Variants in LARP6 observed in about 807,000 individuals in gnomAD.
LARP6 encodes the protein La ribonucleoprotein 6, translational regulator.
A neutral mutation model predicts 32.8 loss-of-function variants in LARP6; 18 were observed. The observed-to-expected ratio is 0.55, with a 90% CI of 0.38 to 0.81. The LOEUF (loss-of-function observed/expected upper bound fraction) is 0.81. Ranked by LOEUF, LARP6 falls within the 40% of genes least tolerant of loss-of-function variation. The probability of loss-of-function intolerance (pLI) is 0.00; values close to 1 mark genes in which losing one functional copy is unlikely to be tolerated. For synonymous variants in LARP6, 289 were observed against 267.2 expected, an observed-to-expected ratio of 1.08 and a Z score of -0.80; for missense variants, 598 against 663.1, an observed-to-expected ratio of 0.90 and a Z score of 1.08.
rs922482673 is a variant in LARP6 at position 70,831,001 on chromosome 15, T to G, written c.*1051A>C. 6.6e-6 allele frequency: 1 copy of G among 152,052 alleles called. No homozygotes were observed. Among genetic ancestry groups the G allele is most frequent in the Non-Finnish European group, 1.5e-5 (1 of 68,014 alleles). The allele number at this position is 152,052 out of a possible 1,614,324, so 9.4% of individuals were successfully genotyped here. A position where few individuals can be genotyped will look rare whatever the true frequency, so the allele number is the denominator to read the frequency against. The stretch of plus-strand genomic sequence containing the variant: ...TCACAAAATAGTGAGAGATTGGGGG[T>G]CAAATGGACTGACCTCAAGTCCTGC... On this transcript the variant is annotated 3_prime_UTR_variant, in exon 3 of 3. Coordinates refer to ENST00000299213, the MANE Select transcript of LARP6 (RefSeq NM_018357.4).
intron 1 of LARP6, among the ~76,000 whole-genome samples, chr15:70,838,907 C>A (rs2032197732): frequency 2.7e-5 from 2 of 75,432 alleles, no homozygotes; most frequent in Admixed American, 2.4e-4. Context: ...TGGCTCTCAG[C>A]CTCACAAAAA....
At chr15:70,846,305 A>C (rs955276861) in intron 1 of LARP6, among the ~76,000 whole-genome samples, 2 of 152,196 alleles carry the variant, frequency 1.3e-5, no homozygotes, top group African/African-American at 4.8e-5. Flanking sequence ...CTGTTAAATA[A>C]AATTCAAACT....
At chr15:70,835,562 A>G (rs908183649) in intron 2 of LARP6, among the ~76,000 whole-genome samples, 1 of 152,252 alleles carries the variant, frequency 6.6e-6, no homozygotes, top group African/African-American at 2.4e-5. Context: ...CAAAGTACAC[A>G]GACAACTTGG....
chr15:70,849,821 T>C (rs570516812), intron 1 of LARP6: 1 of 152,342 alleles, frequency 6.6e-6, no homozygotes, highest in African/African-American at 2.4e-5. Context: ...GTGACTATTA[T>C]ATCAAATTAT....
intron 1 of LARP6, among the ~76,000 whole-genome samples, chr15:70,841,476 G>A (rs1470528125): frequency 6.6e-6 from 1 of 152,112 alleles, no homozygotes; most frequent in African/African-American, 2.4e-5. Context: ...CTCCATCTTG[G>A]TCCTTGATAT....
At chr15:70,840,914 T>TC (rs2032242793) in intron 1 of LARP6, among the ~76,000 whole-genome samples, 1 of 143,726 alleles carries the variant, frequency 7.0e-6, no homozygotes, top group Admixed American at 6.9e-5. Flanking sequence ...TTTTCTCTCT[T>TC]TTTTTTTTTT....
chr15:70,839,744 G>A (rs1440590734), intron 1 of LARP6, among the ~76,000 whole-genome samples: 2 of 152,008 alleles, frequency 1.3e-5, no homozygotes, highest in Admixed American at 6.6e-5. Context: ...CACCACGCCC[G>A]GCTTTAATTG....
chr15:70,850,923 A>C (rs558119020), intron 1 of LARP6, among the ~76,000 whole-genome samples: 31 of 152,282 alleles, frequency 2.0e-4, no homozygotes, highest in African/African-American at 7.5e-4. Flanking sequence ...GCATTAGGGA[A>C]AAAAAATGGT....
chr15:70,853,989 C>T lies in LARP6; in HGVS notation c.100G>A (p.Glu34Lys), dbSNP rs1283174806. 1 of 1,465,176 alleles carries T rather than the reference C, an allele frequency of 6.8e-7. No individual in the cohort carries two copies. The highest frequency in any genetic ancestry group is 1.8e-4 in the Middle Eastern group (1 of 5,458). 90.8% of individuals were successfully genotyped at this position (1,465,176 alleles called of 1,614,324 possible). The change falls in exon 1 of 3, where the codon GAG becomes AAG. Residue 34 changes from glutamate (E) to lysine (K), a missense_variant. Coordinates refer to ENST00000299213, the MANE Select transcript of LARP6 (RefSeq NM_018357.4). Reference protein sequence around the residue: ...EAEDVDELEDEEEGAETRGAG... With the variant: ...EAEDVDELEDKEEGAETRGAG... The stretch of plus-strand genomic sequence containing the variant: ...CCCCGAGTCTCCGCCCCCTCCTCCT[C>T]GTCCTCCAACTCGTCCACGTCCTCG...
rs2032023042 is a variant in LARP6 at position 70,830,583 on chromosome 15, A to G, written c.*1469T>C. 2 of 152,244 alleles carry G rather than the reference A, an allele frequency of 1.3e-5. No homozygotes were observed. Among genetic ancestry groups the G allele is most frequent in the South Asian group, 4.1e-4 (2 of 4,838 alleles). The allele number at this position is 152,244 out of a possible 1,614,324, so 9.4% of individuals were successfully genotyped here. On this transcript the variant is annotated 3_prime_UTR_variant, in exon 3 of 3. Coordinates refer to ENST00000299213, the MANE Select transcript of LARP6 (RefSeq NM_018357.4). ...TACCAATTTAGCTGTTAAGCCTTAGACAAGTTAATTACCCAAGTAAAGTCT... is the reference window on the plus strand; with the variant it reads ...TACCAATTTAGCTGTTAAGCCTTAGGCAAGTTAATTACCCAAGTAAAGTCT...
At chr15:70,838,776 A>G (rs2032195458) in intron 1 of LARP6, among the ~76,000 whole-genome samples, 1 of 152,202 alleles carries the variant, frequency 6.6e-6, no homozygotes, top group South Asian at 2.1e-4. Context: ...GCAGGTAGGT[A>G]GTTATAAGAG....
At chr15:70,850,504 G>T (rs2032429262) in intron 1 of LARP6, among the ~76,000 whole-genome samples, 1 of 152,222 alleles carries the variant, frequency 6.6e-6, no homozygotes, top group Admixed American at 6.5e-5. Context: ...CCAAGATCAA[G>T]TGAGATTTAT....
intron 1 of LARP6, among the ~76,000 whole-genome samples, chr15:70,847,507 C>T (rs779088325): frequency 3.3e-5 from 5 of 151,996 alleles, no homozygotes; most frequent in Admixed American, 1.3e-4. Flanking sequence ...GTAGCTGGGA[C>T]TACAGGTGCG....
chr15:70,841,057 G>T (rs1405791714), intron 1 of LARP6, among the ~76,000 whole-genome samples: 1 of 152,026 alleles, frequency 6.6e-6, no homozygotes, highest in Non-Finnish European at 1.5e-5. Flanking sequence ...GGGATTACAG[G>T]CGCCCGCCAC....
intron 1 of LARP6, among the ~76,000 whole-genome samples, chr15:70,846,424 C>T (rs1057410099): frequency 3.3e-5 from 5 of 152,078 alleles, no homozygotes; most frequent in Admixed American, 2.0e-4. Context: ...GCTTGGGCAA[C>T]GTAGCAAGAC....
chr15:70,834,152 T>C (rs1367239181), intron 2 of LARP6, among the ~76,000 whole-genome samples: 6 of 152,028 alleles, frequency 3.9e-5, no homozygotes. Flanking sequence ...CCTCTGAGCA[T>C]AAAACAGGAA....
At chr15:70,835,472 G>A (rs913689498) in intron 2 of LARP6, among the ~76,000 whole-genome samples, 9 of 152,224 alleles carry the variant, frequency 5.9e-5, no homozygotes, top group African/African-American at 1.4e-4. Context: ...GAAAAAGAGC[G>A]ACAGGGCCAG....
rs2032327259 is a variant in LARP6, at chr15:70,845,370, T to A, written c.200+8519A>T. 2.0e-5 allele frequency among the ~76,000 whole-genome samples: 3 copies of A among 152,334 alleles called. No homozygotes were observed. In the South Asian group the frequency reaches 6.2e-4, roughly 32 times the overall value. On this transcript the variant is annotated intron_variant, in intron 1 of 2. Transcript: ENST00000299213. ...CTTGACAGTGTTAAGAAGTACTGGTTAGGTATTTTGTGGAATGTCCCTCAA... is the reference window on the plus strand; with the variant it reads ...CTTGACAGTGTTAAGAAGTACTGGTAAGGTATTTTGTGGAATGTCCCTCAA...
In LARP6 at chr15:70,833,060, C is replaced by G. The variant is rs377601648; in HGVS notation, c.468G>C (p.Val156=). The G allele has an allele frequency of 8.7e-6, 14 of 1,614,022 alleles. No homozygotes were observed. In the East Asian group the frequency reaches 1.1e-4, roughly 13 times the overall value. The change falls in exon 3 of 3, where the codon GTG becomes GTC. Residue 156 remains valine (V), a synonymous_variant. Coordinates refer to ENST00000299213, the MANE Select transcript of LARP6 (RefSeq NM_018357.4). ...RTTAHALKYS[V]VLELNEDHRK... is the part of the protein sequence containing the mutation. ...GGTGGTCCTCATTCAACTCAAGGACCACTGAATACTTCAAAGCATGTGCTG... is the reference window on the plus strand; with the variant it reads ...GGTGGTCCTCATTCAACTCAAGGACGACTGAATACTTCAAAGCATGTGCTG...
Sources: allele counts gnomAD v4.1 joint callset (sites outside exome capture counted in the v4.1 genomes callset), GRCh38; gene constraint gnomAD v4.1.1; transcripts MANE v1.5; gene names NCBI Gene and HGNC (gene_info 2026-07-23, HGNC 2026-07-21).